TRPA1: variants seen among roughly 807,000 people sequenced by gnomAD.
The protein encoded by TRPA1 is transient receptor potential cation channel subfamily A member 1.
Under a neutral mutation model 131.3 loss-of-function variants are expected in TRPA1, and 129 were observed. The ratio of observed to expected loss-of-function variants is 0.98; its 90% CI spans 0.85 to 1.14. The LOEUF is 1.14. TRPA1 is among the 50% of genes most tolerant of loss of function. TRPA1 has a pLI of 0.00. For missense variants in TRPA1, 1,304 were observed against 1,354.2 expected (o/e 0.96, Z 0.58); for synonymous variants, 441 against 451.7 (o/e 0.98, Z 0.30).
intron 1 of TRPA1, among the ~76,000 whole-genome samples, chr8:72,074,512 A>G (rs116686172): frequency 0.016 from 2,368 of 152,254 alleles, 78 homozygotes; most frequent in African/African-American, 0.053. Flanking sequence ...GAGGGTTTGG[A>G]GAGACCTTTT....
chr8:72,027,772 A>G (rs1385907637), intron 24 of TRPA1, among the ~76,000 whole-genome samples: 1 of 152,192 alleles, frequency 6.6e-6, no homozygotes, highest in Non-Finnish European at 1.5e-5. Context: ...GAGTTGCTTA[A>G]GAAACAACTC....
At chr8:72,053,563 C>A (rs1364083373) in intron 13 of TRPA1, 190 bp downstream of exon 13, 4 of 615,200 alleles carry the variant, frequency 6.5e-6, no homozygotes, top group Middle Eastern at 4.4e-4. Context: ...ATTCACCCAC[C>A]CCTTGGTATT....
Position 72,052,716 on chromosome 8 carries a change from G to A in TRPA1, c.1694C>T (p.Ala565Val), listed in dbSNP as rs201102897. The A allele has an allele frequency of 1.1e-4, 176 of 1,613,656 alleles. No individual in the cohort carries two copies. Among genetic ancestry groups the A allele is most frequent in the Non-Finnish European group, 1.2e-4 (140 of 1,179,874 alleles). ...GTCAGCATTGTGGCTCAGAAGAAGC[G>A]CAACGGCTTTGGCGTGGCCTTCCCT... is the stretch of plus-strand genomic sequence containing the variant. Reference protein sequence around the residue: ...AAREGHAKAVALLLSHNADIV... With the variant: ...AAREGHAKAVVLLLSHNADIV... The change falls in exon 14 of 27, where the codon GCG becomes GTG. Residue 565 changes from alanine (A) to valine (V), a missense_variant. Coordinates refer to ENST00000262209, the MANE Select transcript of TRPA1 (RefSeq NM_007332.3).
intron 6 of TRPA1, among the ~76,000 whole-genome samples, chr8:72,062,095 G>A (rs1805822910): frequency 6.6e-6 from 1 of 152,186 alleles, no homozygotes; most frequent in Admixed American, 6.5e-5. Flanking sequence ...TTCAGTGTAG[G>A]AAGTGACTTC....
chr8:72,053,650 A>G, intron 13 of TRPA1, 103 bp downstream of exon 13: 1 of 832,320 alleles, frequency 1.2e-6, no homozygotes, highest in Non-Finnish European at 2.0e-6. Context: ...AAGGCTGGGA[A>G]TAGAGCAAGG....
At chr8:72,088,204 A>G in the TRPA1 span, among the ~76,000 whole-genome samples, 3 of 152,188 alleles carry the variant, frequency 2.0e-5, no homozygotes, top group Non-Finnish European at 4.4e-5. Flanking sequence ...TTCCCATCAC[A>G]GCATTCTTTT....
chr8:72,066,482 A>C (rs1462237056), intron 3 of TRPA1, among the ~76,000 whole-genome samples: 1 of 152,230 alleles, frequency 6.6e-6, no homozygotes, highest in Non-Finnish European at 1.5e-5. Flanking sequence ...TCTTTGAAAA[A>C]AGTATGCAAC....
chr8:72,031,178 A>T (rs887639761), intron 23 of TRPA1, among the ~76,000 whole-genome samples: 1 of 152,212 alleles, frequency 6.6e-6, no homozygotes, highest in Non-Finnish European at 1.5e-5. Flanking sequence ...TGAGAACTGG[A>T]TATAGTCAGG....
chr8:72,075,871 T>TGG (rs1554540575), upstream of TRPA1, among the ~76,000 whole-genome samples: 1 of 75,902 alleles, frequency 1.3e-5, no homozygotes, highest in Non-Finnish European at 3.2e-5. Context: ...TGTGTGTGTG[T>TGG]GTGTGTGTGT....
intron 1 of TRPA1, among the ~76,000 whole-genome samples, chr8:72,073,521 G>A (rs1234047351): frequency 6.6e-6 from 1 of 152,054 alleles, no homozygotes; most frequent in African/African-American, 2.4e-5. Flanking sequence ...CTTTGTCATG[G>A]GTTCAACAAG....
chr8:72,029,894 CACTTACCTGCAT>C lies in TRPA1; in HGVS notation c.2932_2937+6del, dbSNP rs1482301483. 1 of 1,613,532 alleles carries C rather than the reference CACTTACCTGCAT, an allele frequency of 6.2e-7. No individual in the cohort carries two copies. The highest frequency in any genetic ancestry group is 8.5e-7 in the Non-Finnish European group (1 of 1,179,616). ...CACTGTAATAAGTGGGGAGGCACTGCACTTACCTGCATAGCTATCCTCTTCAATGATGCATGT... is the reference window on the plus strand; with the variant it reads ...CACTGTAATAAGTGGGGAGGCACTGCAGCTATCCTCTTCAATGATGCATGT... On this transcript the variant is annotated splice_donor_variant and splice_donor_5th_base_variant and coding_sequence_variant and intron_variant, in exon 24 of 27. Transcript: ENST00000262209. LOFTEE classifies it high-confidence loss of function.
At position 72,075,530 on chromosome 8, in the gene TRPA1, T is replaced by G. The variant is rs987792314; in HGVS notation, c.-121A>C. 1.2e-5 allele frequency: 10 copies of G among 818,940 alleles called. No individual in the cohort carries two copies. The highest frequency in any genetic ancestry group is 8.3e-5 in the African/African-American group (5 of 59,884). The allele number at this position is 818,940 out of a possible 1,614,324, so 50.7% of individuals were successfully genotyped here. A position where few individuals can be genotyped will look rare whatever the true frequency, so the allele number is the denominator to read the frequency against. Reference sequence around the variant, plus strand: ...CGCGCGAGCCCGAGCTCTCCCGCGCTGCAGCTCACAGGCAGCGAAAAAGTC... The same window carrying G: ...CGCGCGAGCCCGAGCTCTCCCGCGCGGCAGCTCACAGGCAGCGAAAAAGTC... On this transcript the variant is annotated 5_prime_UTR_variant, in exon 1 of 27. Transcript: ENST00000262209.
chr8:72,083,768 CAAA>C, the TRPA1 span, among the ~76,000 whole-genome samples: 1 of 149,954 alleles, frequency 6.7e-6, no homozygotes, highest in Non-Finnish European at 1.5e-5. Context: ...AACGAACAAA[CAAA>C]AAAAAATTTT....
At chr8:72,047,584 C>T (rs72659654) in intron 15 of TRPA1, among the ~76,000 whole-genome samples, 10,871 of 152,110 alleles carry the variant, frequency 0.071, 517 homozygotes, top group Middle Eastern at 0.14. Flanking sequence ...AAATTCTAAA[C>T]GCTCCAAAAT....
At chr8:72,048,231 G>A (rs1220982260) in intron 15 of TRPA1, among the ~76,000 whole-genome samples, 1 of 152,082 alleles carries the variant, frequency 6.6e-6, no homozygotes, top group East Asian at 1.9e-4. Context: ...CCAAATTTAT[G>A]GTCCTGAGAA....
At chr8:72,036,650 G>T (rs527273564) in intron 20 of TRPA1, among the ~76,000 whole-genome samples, 193 bp from the exon 21 acceptor site, 2 of 152,272 alleles carry the variant, frequency 1.3e-5, no homozygotes, top group East Asian at 3.9e-4. Context: ...GTTGGAGATG[G>T]CCCAGAGCCC....
intron 26 of TRPA1, 192 bp from the exon 27 acceptor site, chr8:72,023,308 G>A: frequency 1.5e-6 from 1 of 659,014 alleles, no homozygotes; most frequent in Non-Finnish European, 2.6e-6. Flanking sequence ...AAGTTACACT[G>A]TTAGTTCATG....
chr8:72,039,727 C>A lies in TRPA1; in HGVS notation c.2132G>T (p.Trp711Leu). The change falls in exon 18 of 27, where the codon TGG (tryptophan) becomes TTG (leucine). Residue 711 changes from tryptophan to leucine, a missense_variant and splice_region_variant. Transcript: ENST00000262209. ...PVCKEYLLMK[W>L]LAYGFRAHMM... ...ACAAGAAATACTACTCAATACCCACCATTTCATGAGTAAATATTCTTTACA... is the reference window on the plus strand; with the variant it reads ...ACAAGAAATACTACTCAATACCCACAATTTCATGAGTAAATATTCTTTACA... The A allele has an allele frequency of 2.5e-6, 4 of 1,592,586 alleles. No homozygotes were observed. The highest frequency in any genetic ancestry group is 3.4e-6 in the Non-Finnish European group (4 of 1,161,224).
At chr8:72,060,792 C>G (rs1361805163) in intron 7 of TRPA1, among the ~76,000 whole-genome samples, 1 of 150,990 alleles carries the variant, frequency 6.6e-6, no homozygotes, top group Non-Finnish European at 1.5e-5. Context: ...TCACACATAT[C>G]CTATTGTGCC....
Sources: gnomAD v4.1 joint callset for allele counts (sites outside exome capture counted in the v4.1 genomes callset) on GRCh38, gnomAD v4.1.1 for gene constraint, MANE v1.5 for transcripts, NCBI Gene and HGNC (gene_info 2026-07-23, HGNC 2026-07-21) for gene names.